The following PCDHGA10 variants were observed in gnomAD, a reference collection of about 807,000 sequenced individuals.
The protein encoded by PCDHGA10 is protocadherin gamma subfamily A, 10.
PCDHGA10 carries 42 observed loss-of-function variants against 59.5 expected under a neutral mutation model. The ratio of observed to expected loss-of-function variants is 0.71; its 90% CI spans 0.55 to 0.91. The LOEUF (loss-of-function observed/expected upper bound fraction) is 0.91. Ranked by LOEUF, PCDHGA10 falls within the 40% of genes least tolerant of loss-of-function variation. PCDHGA10 has a pLI of 0.00. For missense variants in PCDHGA10, 1,111 were observed against 1,198.2 expected (o/e 0.93, Z 1.07); for synonymous variants, 511 against 517.2 (o/e 0.99, Z 0.16).
rs768383792 is a variant in PCDHGA10 at position 141,476,155 on chromosome 5, C to A, written c.2437-18652C>A. 1.2e-6 allele frequency: 2 copies of A among 1,612,382 alleles called. No homozygotes were observed. Among genetic ancestry groups the A allele is most frequent in the Non-Finnish European group, 1.7e-6 (2 of 1,179,764 alleles). On this transcript the variant is annotated intron_variant, in intron 1 of 3. Coordinates refer to ENST00000398610, the MANE Select transcript of PCDHGA10 (RefSeq NM_018913.3). This position sits in a 1 kb window ranked among gnomAD's most constrained non-coding sequence, Gnocchi z 7.6. ...CCTGGAGGAGCGGACTGGTAAGCAC[C>A]GGGAGGGTAGTGGGAGTTTTGCTTC... is the stretch of plus-strand genomic sequence containing the variant.
rs182905441 is a variant in PCDHGA10, at chr5:141,450,871, C to A, written c.2436+35260C>A. Among the ~76,000 whole-genome samples, 581 of 149,672 alleles carry A rather than the reference C, an allele frequency of 3.9e-3. 6 individuals carry two copies. Among genetic ancestry groups the A allele is most frequent in the Admixed American group, 0.011 (168 of 14,998 alleles). ...ATGGGGTCTTGCTCTGTCACCCAGGCTGGTGTGCAGTGGTGCGATATCGGC... is the reference window on the plus strand; with the variant it reads ...ATGGGGTCTTGCTCTGTCACCCAGGATGGTGTGCAGTGGTGCGATATCGGC... On this transcript the variant is annotated intron_variant, in intron 1 of 3. Coordinates refer to ENST00000398610, the MANE Select transcript of PCDHGA10 (RefSeq NM_018913.3).
At chr5:141,433,289 G>C in intron 1 of PCDHGA10, 1 of 1,130,682 alleles carries the variant, frequency 8.8e-7, no homozygotes, top group Non-Finnish European at 1.3e-6. Context: ...AAACTCCTAG[G>C]CTCAAGCAAT....
rs1176011355 is a variant in PCDHGA10, at chr5:141,485,491, G to C, written c.2437-9316G>C. Reference sequence around the variant, plus strand: ...TCAGTGCCAGCTGCATCGTGCCCCTGGAGTTTGTCACCGAAGGTCCTTTGG... The same window carrying C: ...TCAGTGCCAGCTGCATCGTGCCCCTCGAGTTTGTCACCGAAGGTCCTTTGG... On this transcript the variant is annotated intron_variant, in intron 1 of 3. Coordinates refer to ENST00000398610, the MANE Select transcript of PCDHGA10 (RefSeq NM_018913.3). This position sits in a 1 kb window ranked among gnomAD's most constrained non-coding sequence, Gnocchi z 5.7. 6.2e-7 allele frequency: 1 copy of C among 1,614,142 alleles called. No homozygotes were observed. The highest frequency in any genetic ancestry group is 1.3e-5 in the African/African-American group (1 of 75,018).
In PCDHGA10 at chr5:141,489,459, C is replaced by A; in HGVS notation, c.2437-5348C>A. ...AATTGGGCTCTGAGGAGAATGGGCG[C>A]TATTTTTCCCTGAGCTTGATGAGTG... On this transcript the variant is annotated intron_variant, in intron 1 of 3. Transcript: ENST00000398610. The surrounding 1 kb of genome is among the most constrained non-coding windows in gnomAD (Gnocchi z 4.5). 1 of 1,614,086 alleles carries A rather than the reference C, an allele frequency of 6.2e-7. No individual in the cohort carries two copies. The highest frequency in any genetic ancestry group is 8.5e-7 in the Non-Finnish European group (1 of 1,180,012).
At chr5:141,422,769 T>C (rs1274700138) in intron 1 of PCDHGA10, 1 of 1,613,852 alleles carries the variant, frequency 6.2e-7, no homozygotes, top group Admixed American at 1.7e-5. Context: ...ACACTGGTGT[T>C]CTCTATGCCC....
At position 141,490,003 on chromosome 5, in the gene PCDHGA10, G is replaced by A. The variant is rs2099694760; in HGVS notation, c.2437-4804G>A. On this transcript the variant is annotated intron_variant, in intron 1 of 3. Transcript: ENST00000398610. This position sits in a 1 kb window ranked among gnomAD's most constrained non-coding sequence, Gnocchi z 5.4. ...TCTACGTGTGGGAATCCCAGAGAAT[G>A]CACCCATTGGTACTCTGCTGCTCCG... 6.2e-7 allele frequency: 1 copy of A among 1,614,204 alleles called. No homozygotes were observed. Among genetic ancestry groups the A allele is most frequent in the Non-Finnish European group, 8.5e-7 (1 of 1,180,008 alleles).
At chr5:141,504,500 GAGTGGATCT>G (rs2099838791) in intron 2 of PCDHGA10, among the ~76,000 whole-genome samples, 1 of 152,072 alleles carries the variant, frequency 6.6e-6, no homozygotes, top group Non-Finnish European at 1.5e-5. Context: ...TGCCCAGTCT[GAGTGGATCT>G]CCTCTGATAT....
rs187873649 is a variant in PCDHGA10, at chr5:141,469,715, G to A, written c.2437-25092G>A. ...TATGACCTAGTAATCACACTATTAG[G>A]AATTTATCATAAATACACACCTCAA... On this transcript the variant is annotated intron_variant, in intron 1 of 3. Coordinates refer to ENST00000398610, the MANE Select transcript of PCDHGA10 (RefSeq NM_018913.3). Among the ~76,000 whole-genome samples, 552 of 152,160 alleles carry A rather than the reference G, an allele frequency of 3.6e-3. 1 individual carries two copies. Among genetic ancestry groups the A allele is most frequent in the Non-Finnish European group, 5.8e-3 (397 of 68,008 alleles).
chr5:141,460,377 T>C (rs1592666836), intron 1 of PCDHGA10, among the ~76,000 whole-genome samples: 1 of 152,342 alleles, frequency 6.6e-6, no homozygotes, highest in Non-Finnish European at 1.5e-5. Flanking sequence ...AGTTTTACCA[T>C]TTATAATTTG....
chr5:141,456,973 A>G (rs1276476368), intron 1 of PCDHGA10, among the ~76,000 whole-genome samples: 2 of 147,412 alleles, frequency 1.4e-5, no homozygotes, highest in Admixed American at 6.7e-5. Flanking sequence ...AAAACAAAAC[A>G]AACAAACAAA....
At chr5:141,473,919 A>G (rs2099331297) in intron 1 of PCDHGA10, among the ~76,000 whole-genome samples, 1 of 152,172 alleles carries the variant, frequency 6.6e-6, no homozygotes, top group African/African-American at 2.4e-5. Flanking sequence ...TAAGAAAACT[A>G]TGAGCTGGGT....
At chr5:141,465,730 T>G (rs1373873081) in intron 1 of PCDHGA10, among the ~76,000 whole-genome samples, 2 of 152,186 alleles carry the variant, frequency 1.3e-5, no homozygotes, top group Non-Finnish European at 2.9e-5. Context: ...CCTCTTGTGC[T>G]TTGTTTTCAG....
rs776632782 is a variant in PCDHGA10, at chr5:141,415,681, A to G, written c.2436+70A>G. 6.3e-5 allele frequency: 95 copies of G among 1,518,728 alleles called. 2 individuals are homozygous for G. In the Middle Eastern group the frequency reaches 2.1e-3, roughly 34 times the overall value. 94.1% of individuals were successfully genotyped at this position (1,518,728 alleles called of 1,614,324 possible). A position where few individuals can be genotyped will look rare whatever the true frequency, so the allele number is the denominator to read the frequency against. Reference sequence around the variant, plus strand: ...TGGTTTTTACTTTGAAGTTTGCGGCATGATGGTGGAAAGTGTAAATGCTAA... The same window carrying G: ...TGGTTTTTACTTTGAAGTTTGCGGCGTGATGGTGGAAAGTGTAAATGCTAA... On this transcript the variant is annotated intron_variant, in intron 1 of 3. Transcript: ENST00000398610.
intron 1 of PCDHGA10, among the ~76,000 whole-genome samples, chr5:141,494,199 G>A (rs1033914239): frequency 1.3e-5 from 2 of 152,160 alleles, no homozygotes; most frequent in South Asian, 2.1e-4. Context: ...TGGATGCCCC[G>A]CAAAGGCCCA....
At chr5:141,441,757 G>A (rs1423867327) in intron 1 of PCDHGA10, 2 of 381,638 alleles carry the variant, frequency 5.2e-6, no homozygotes, top group Middle Eastern at 6.5e-4. Context: ...GTCAACGTGA[G>A]CCTGCGCGTG....
In PCDHGA10 at chr5:141,491,841, A is replaced by T. The variant is rs995010359; in HGVS notation, c.2437-2966A>T. The T allele has an allele frequency of 1.4e-6, 2 of 1,465,172 alleles. No homozygotes were observed. The highest frequency in any genetic ancestry group is 1.4e-5 in the African/African-American group (1 of 69,948). 90.8% of individuals were successfully genotyped at this position (1,465,172 alleles called of 1,614,324 possible). ...TGCGCTCCACCCGATTCTCGGGATC[A>T]TTGGACCGTTTGCGCGAAACCAGAG... is the stretch of plus-strand genomic sequence containing the variant. On this transcript the variant is annotated intron_variant, in intron 1 of 3. Transcript: ENST00000398610. The surrounding 1 kb of genome is among the most constrained non-coding windows in gnomAD (Gnocchi z 6.9).
At position 141,485,848 on chromosome 5, in the gene PCDHGA10, C is replaced by G. The variant is rs1416763615; in HGVS notation, c.2437-8959C>G. 1.9e-6 allele frequency: 3 copies of G among 1,614,076 alleles called. No individual in the cohort carries two copies. The highest frequency in any genetic ancestry group is 1.1e-5 in the South Asian group (1 of 91,084). On this transcript the variant is annotated intron_variant, in intron 1 of 3. Coordinates refer to ENST00000398610, the MANE Select transcript of PCDHGA10 (RefSeq NM_018913.3). This position sits in a 1 kb window ranked among gnomAD's most constrained non-coding sequence, Gnocchi z 5.7. The stretch of plus-strand genomic sequence containing the variant: ...GAGGGAACCCGCCGAGATCTGGCAC[C>G]GCAGAGCTCCGGGTATCCGTGCTGG...
Position 141,491,498 on chromosome 5 carries a change from C to T in PCDHGA10, c.2437-3309C>T, listed in dbSNP as rs975297143. 2 of 1,614,102 alleles carry T rather than the reference C, an allele frequency of 1.2e-6. No homozygotes were observed. Among genetic ancestry groups the T allele is most frequent in the Non-Finnish European group, 1.7e-6 (2 of 1,180,018 alleles). ...TCCAGCCCCAACCTGCAGGTGAGCT[C>T]GGACGGCACGCTCAAGTACATGGAG... On this transcript the variant is annotated intron_variant, in intron 1 of 3. Transcript: ENST00000398610. The surrounding 1 kb of genome is among the most constrained non-coding windows in gnomAD (Gnocchi z 6.9).
At chr5:141,421,880 G>C in intron 1 of PCDHGA10, 1 of 1,613,718 alleles carries the variant, frequency 6.2e-7, no homozygotes, top group Admixed American at 1.7e-5. Flanking sequence ...GCTTTAGATG[G>C]AGGCGATCCC....
Sources: allele counts gnomAD v4.1 joint callset (sites outside exome capture counted in the v4.1 genomes callset), GRCh38; gene constraint gnomAD v4.1.1; non-coding constraint Gnocchi (gnomAD v3.1); transcripts MANE v1.5; gene names NCBI Gene and HGNC (gene_info 2026-07-23, HGNC 2026-07-21).